Variants in SVOPL observed in about 807,000 individuals in gnomAD.
SVOPL encodes putative transporter SVOPL.
In SVOPL, 60 loss-of-function variants were observed where a neutral mutation model predicts 61.0. That is an observed-to-expected ratio of 0.98 (90% CI 0.80 to 1.22). The LOEUF (loss-of-function observed/expected upper bound fraction) is 1.22, where lower values mean the gene tolerates loss of function less well. SVOPL is among the 50% of genes most tolerant of loss of function. The pLI, the probability that SVOPL is intolerant of heterozygous loss-of-function variation, is 0.00. For synonymous variants in SVOPL, 279 were observed against 250.0 expected (o/e 1.12, Z -1.09); for missense variants, 662 against 643.9 (o/e 1.03, Z -0.30).
chr7:138,674,555 C>T (rs903477686), intron 3 of SVOPL, among the ~76,000 whole-genome samples: 22 of 149,890 alleles, frequency 1.5e-4, no homozygotes, highest in Non-Finnish European at 3.0e-5. Flanking sequence ...GGAGAATTCC[C>T]ACGACTGTAA....
intron 14 of SVOPL, among the ~76,000 whole-genome samples, chr7:138,609,889 C>T (rs1329671653): frequency 6.6e-6 from 1 of 152,032 alleles, no homozygotes; most frequent in Non-Finnish European, 1.5e-5. Flanking sequence ...CCCGCCACCA[C>T]ACTCAGATAA....
At position 138,614,366 on chromosome 7, in the gene SVOPL, T is replaced by C. The variant is rs563800020; in HGVS notation, c.1353+6680A>G. Among the ~76,000 whole-genome samples the C allele has an allele frequency of 1.1e-4, 16 of 151,472 alleles. No individual in the cohort carries two copies. In the South Asian group the frequency reaches 3.3e-3, roughly 32 times the overall value. On this transcript the variant is annotated intron_variant, in intron 14 of 15. Coordinates refer to ENST00000674285, the MANE Select transcript of SVOPL (RefSeq NM_001139456.2). Reference sequence around the variant, plus strand: ...ATATCAGAGTTTGTACAAGGCTAGTTCCGCTGAATTTTGGCAGCATTTCAA... The same window carrying C: ...ATATCAGAGTTTGTACAAGGCTAGTCCCGCTGAATTTTGGCAGCATTTCAA...
intron 1 of SVOPL, chr7:138,689,389 A>G: frequency 1.3e-6 from 2 of 1,505,906 alleles, no homozygotes; most frequent in Non-Finnish European, 1.8e-6. Context: ...GGTCGGATTT[A>G]CCCATGCATG....
At position 138,625,996 on chromosome 7, in the gene SVOPL, G is replaced by C. The variant is rs151143836; in HGVS notation, c.1236C>G (p.Phe412Leu). 4 of 1,614,026 alleles carry C rather than the reference G, an allele frequency of 2.5e-6. No individual in the cohort carries two copies. The African/African-American group carries it at 5.3e-5, about 22-fold the overall frequency. The change falls in exon 13 of 16, where the codon TTC becomes TTG. Residue 412 changes from phenylalanine (F) to leucine (L), a missense_variant. Phe to Leu is a conservative substitution (Grantham distance 22, BLOSUM62 0). Transcript: ENST00000674285. ...FMLRALVAANFNTVYIYTAEV... is the reference protein window; with the variant it reads ...FMLRALVAANLNTVYIYTAEV... ...CAGCTGTGTAAATGTAGACGGTGTT[G>C]AAGTTTGCAGCTACCAGAGCCCTCA...
intron 8 of SVOPL, among the ~76,000 whole-genome samples, chr7:138,648,583 C>T (rs558088009): frequency 4.0e-5 from 6 of 151,122 alleles, no homozygotes; most frequent in African/African-American, 1.5e-4. Flanking sequence ...TGGTGGGCGC[C>T]TGTAGTCCCA....
At chr7:138,603,929 TTC>T (rs1020781517) in intron 14 of SVOPL, among the ~76,000 whole-genome samples, 32 of 151,928 alleles carry the variant, frequency 2.1e-4, no homozygotes, top group African/African-American at 7.3e-4. Context: ...ACAAAATTAT[TTC>T]TGTCTCAAAA....
chr7:138,688,867 C>A, intron 1 of SVOPL: 2 of 387,334 alleles, frequency 5.2e-6, no homozygotes, highest in African/African-American at 2.1e-5. Context: ...AAGACCTAAC[C>A]TCTAGTACCT....
At chr7:138,688,414 C>T (rs1397497513) in intron 1 of SVOPL, among the ~76,000 whole-genome samples, 1 of 151,802 alleles carries the variant, frequency 6.6e-6, no homozygotes, top group Non-Finnish European at 1.5e-5. Context: ...GGATTACAGG[C>T]ATGCACCACC....
At chr7:138,627,249 G>A in intron 12 of SVOPL, 101 bp downstream of exon 12, 1 of 838,982 alleles carries the variant, frequency 1.2e-6, no homozygotes, top group Non-Finnish European at 1.9e-6. Flanking sequence ...CTACTCTCCT[G>A]GGTGAAAGTG....
intron 7 of SVOPL, 58 bp downstream of exon 7, chr7:138,656,390 T>C (rs1003127716): frequency 1.3e-6 from 2 of 1,543,336 alleles, no homozygotes; most frequent in African/African-American, 1.4e-5. Context: ...GGTATGCCTA[T>C]ATGTACATCT....
intron 9 of SVOPL, among the ~76,000 whole-genome samples, chr7:138,634,973 A>C (rs1205941972): frequency 6.6e-6 from 1 of 152,150 alleles, no homozygotes; most frequent in Non-Finnish European, 1.5e-5. Flanking sequence ...CAGAAATTTT[A>C]AAAGGTTAAT....
chr7:138,621,846 GTATCTATCTATCTATCTATCTATC>G lies in SVOPL; in HGVS notation c.1264-735_1264-712del, dbSNP rs879287399. On this transcript the variant is annotated intron_variant, in intron 13 of 15. Coordinates refer to ENST00000674285, the MANE Select transcript of SVOPL (RefSeq NM_001139456.2). ...TGTATCTATGTATCTATCTATCTAT[GTATCTATCTATCTATCTATCTATC>G]TATCTATCTATCTATCTATCTATCT... 4.9e-3 allele frequency among the ~76,000 whole-genome samples: 291 copies of G among 59,128 alleles called. 34 individuals carry two copies. The highest frequency in any genetic ancestry group is 0.018 in the African/African-American group (271 of 14,772). 38.8% of individuals were successfully genotyped at this position (59,128 alleles called of 152,430 possible). A position where few individuals can be genotyped will look rare whatever the true frequency, so the allele number is the denominator to read the frequency against.
At chr7:138,663,481 G>A (rs1409053430) in intron 4 of SVOPL, 4 of 1,168,300 alleles carry the variant, frequency 3.4e-6, no homozygotes, top group South Asian at 2.3e-5. Flanking sequence ...CTGTTCATGC[G>A]CTGCCTTATA....
intron 1 of SVOPL, among the ~76,000 whole-genome samples, chr7:138,697,848 G>A (rs1488271645): frequency 6.6e-6 from 1 of 151,664 alleles, no homozygotes; most frequent in Non-Finnish European, 1.5e-5. Flanking sequence ...GATGAAAGAA[G>A]ATAATCCCAA....
chr7:138,613,990 T>C (rs930374842), intron 14 of SVOPL, among the ~76,000 whole-genome samples: 6 of 152,216 alleles, frequency 3.9e-5, no homozygotes, highest in African/African-American at 2.4e-5. Context: ...ATCTGGCTTA[T>C]TGATTACTGC....
chr7:138,698,254 G>C (rs922024475), intron 1 of SVOPL, among the ~76,000 whole-genome samples: 6 of 152,140 alleles, frequency 3.9e-5, no homozygotes, highest in Non-Finnish European at 8.8e-5. Flanking sequence ...CCTCATCTGG[G>C]AATAAAAATA....
chr7:138,657,251 G>A (rs1160957259), intron 6 of SVOPL, among the ~76,000 whole-genome samples: 1 of 151,864 alleles, frequency 6.6e-6, no homozygotes, highest in Admixed American at 6.6e-5. Flanking sequence ...AAACTCCTGG[G>A]CTCAAGAGAT....
intron 5 of SVOPL, chr7:138,662,455 T>C: frequency 1.0e-6 from 1 of 985,402 alleles, no homozygotes; most frequent in Non-Finnish European, 1.2e-6. Flanking sequence ...GGTTAGAGAC[T>C]TTATGGACAC....
At chr7:138,609,412 A>G (rs895915858) in intron 14 of SVOPL, among the ~76,000 whole-genome samples, 1 of 151,686 alleles carries the variant, frequency 6.6e-6, no homozygotes. Context: ...TTTAGGAGCC[A>G]AAGTGGGAGG....
Sources: gnomAD v4.1 joint callset for allele counts (sites outside exome capture counted in the v4.1 genomes callset) on GRCh38, gnomAD v4.1.1 for gene constraint, MANE v1.5 for transcripts, NCBI Gene and HGNC (gene_info 2026-07-23, HGNC 2026-07-21) for gene names.